NEB: variants seen among roughly 807,000 people sequenced by gnomAD.
NEB encodes nemaline myopathy type 2.
NEB carries 512 observed loss-of-function variants against 952.2 expected under a neutral mutation model. The ratio of observed to expected loss-of-function variants is 0.54; its 90% confidence interval spans 0.50 to 0.58. The LOEUF is 0.58. Among genes scored for constraint, NEB ranks in the 20% least tolerant of loss-of-function variants. The pLI, the probability that NEB is intolerant of heterozygous loss-of-function variation, is 0.00. For missense variants in NEB, 8,428 were observed against 9,231.1 expected (o/e 0.91, Z 3.56); for synonymous variants, 2,900 against 3,149.8 (o/e 0.92, Z 2.66).
chr2:151,711,844 C>T (rs1212870125), intron 10 of NEB, among the ~76,000 whole-genome samples: 1 of 152,014 alleles, frequency 6.6e-6, no homozygotes, highest in Non-Finnish European at 1.5e-5. Flanking sequence ...CAGAAAGAAA[C>T]TCTGTAAGAA....
At chr2:151,724,147 AT>A in intron 8 of NEB, 112 bp downstream of exon 8, 1 of 849,960 alleles carries the variant, frequency 1.2e-6, no homozygotes, top group Non-Finnish European at 1.9e-6. Context: ...AAGGCTACTC[AT>A]AAAAAGATTG....
intron 54 of NEB, among the ~76,000 whole-genome samples, chr2:151,649,255 G>A (rs2099001672): frequency 6.6e-6 from 1 of 152,030 alleles, no homozygotes; most frequent in Admixed American, 6.6e-5. Flanking sequence ...TATACATTCT[G>A]GAAATCAGCA....
chr2:151,526,480 TTA>T (rs1174119227), intron 148 of NEB, among the ~76,000 whole-genome samples: 1 of 152,188 alleles, frequency 6.6e-6, no homozygotes, highest in Non-Finnish European at 1.5e-5. Flanking sequence ...TGATGAATCT[TTA>T]TATAGTCACA....
At chr2:151,708,850 C>G (rs985475082) in intron 12 of NEB, among the ~76,000 whole-genome samples, 5 of 152,216 alleles carry the variant, frequency 3.3e-5, no homozygotes, top group African/African-American at 7.2e-5. Context: ...GACCAAAACC[C>G]GTGTCATCCA....
At chr2:151,548,483 T>C in intron 130 of NEB, 68 bp from the exon 131 acceptor site, 4 of 1,092,200 alleles carry the variant, frequency 3.7e-6, no homozygotes, top group South Asian at 2.6e-5. Flanking sequence ...TTTCTCCAAA[T>C]AGAAAAGAGA....
At chr2:151,553,788 G>A (rs1559855407) in intron 126 of NEB, 40 bp downstream of exon 126, 2 of 1,554,054 alleles carry the variant, frequency 1.3e-6, no homozygotes, top group South Asian at 1.2e-5. Context: ...GGGCCGTGGG[G>A]CGGGGCCGTG....
intron 60 of NEB, among the ~76,000 whole-genome samples, chr2:151,641,727 T>C (rs1451367597): frequency 1.3e-5 from 2 of 152,154 alleles, no homozygotes; most frequent in African/African-American, 2.4e-5. Flanking sequence ...TTACTTCCCA[T>C]ATTTTGGAAA....
chr2:151,694,777 T>C, intron 18 of NEB, 148 bp from the exon 19 acceptor site: 2 of 687,836 alleles, frequency 2.9e-6, no homozygotes, highest in Non-Finnish European at 4.8e-6. Context: ...TTTTAAATAT[T>C]TCTTCTCAAG....
chr2:151,493,980 CCT>C lies in NEB; in HGVS notation c.24580-115_24580-114del, dbSNP rs2058475215. The C allele has an allele frequency of 5.5e-6, 5 of 900,972 alleles. No individual in the cohort carries two copies. The Admixed American group carries it at 1.3e-4, about 24-fold the overall frequency. 55.8% of individuals were successfully genotyped at this position (900,972 alleles called of 1,614,324 possible). A position where few individuals can be genotyped will look rare whatever the true frequency, so the allele number is the denominator to read the frequency against. ...TAATCTATTACTATTAGTGAGAACA[CCT>C]CTCAAGAAGAAAGCTTAAAAATAGT... On this transcript the variant is annotated intron_variant, in intron 174 of 181. Coordinates refer to ENST00000397345, the MANE Select transcript of NEB (RefSeq NM_001164508.2).
At chr2:151,632,140 T>C (rs2098680482) in intron 65 of NEB, among the ~76,000 whole-genome samples, 1 of 152,190 alleles carries the variant, frequency 6.6e-6, no homozygotes, top group South Asian at 2.1e-4. Flanking sequence ...CATATTGCCA[T>C]ATTTTTCTCA....
intron 168 of NEB, among the ~76,000 whole-genome samples, chr2:151,500,244 A>C (rs577564071): frequency 1.3e-5 from 2 of 152,296 alleles, no homozygotes; most frequent in Non-Finnish European, 2.9e-5. Context: ...TTACTGATCT[A>C]ATTATGTCAA....
In NEB at chr2:151,627,062, G is replaced by A. The variant is rs1285505941; in HGVS notation, c.10287C>T (p.Thr3429=). 1 of 1,613,874 alleles carries A rather than the reference G, an allele frequency of 6.2e-7. No homozygotes were observed. Among genetic ancestry groups the A allele is most frequent in the African/African-American group, 1.3e-5 (1 of 75,002 alleles). The change falls in exon 70 of 182, where the codon ACC becomes ACT. Residue 3429 remains threonine (T), a synonymous_variant. Transcript: ENST00000397345. ...YRQPPDKLKF[T]SVTDSLEQVL... is the part of the protein sequence containing the mutation. ...CCTGCTCTAGAGAGTCAGTCACACT[G>A]GTAAATTTCAGCTTGTCCGGAGGCT...
chr2:151,716,589 C>G (rs2099759968), intron 10 of NEB, among the ~76,000 whole-genome samples: 1 of 152,078 alleles, frequency 6.6e-6, no homozygotes, highest in Non-Finnish European at 1.5e-5. Context: ...CATAGTTACA[C>G]AGTTAGGTAA....
intron 63 of NEB, among the ~76,000 whole-genome samples, chr2:151,638,768 G>A (rs2098807235): frequency 6.6e-6 from 1 of 151,086 alleles, no homozygotes; most frequent in Admixed American, 6.6e-5. Context: ...AAAGGAAATG[G>A]GCTTGCTAAT....
At position 151,687,523 on chromosome 2, in the gene NEB, T is replaced by C. The variant is rs772154599; in HGVS notation, c.2533A>G (p.Lys845Glu). The stretch of plus-strand genomic sequence containing the variant: ...CCTTTGCTCTTTTCATAGTCTTTCT[T>C]GTACATCACCTGCAAAGACATCACA... ...NTKNTSDVMY[K>E]KDYEKSKGKM... Residue 845 changes from lysine to glutamate, a missense_variant, in exon 27 of 182, where the codon AAG (lysine) becomes GAG (glutamate). This residue lies in a region of NEB where 2,851 missense variants were observed against 2,791.5 expected (regional missense o/e 1.02). Transcript: ENST00000397345. 6.2e-6 allele frequency: 10 copies of C among 1,613,592 alleles called. No individual in the cohort carries two copies. Among genetic ancestry groups the C allele is most frequent in the Non-Finnish European group, 7.6e-6 (9 of 1,179,622 alleles).
rs757789934 is a variant in NEB at position 151,697,327 on chromosome 2, C to A, written c.1365+23G>T. On this transcript the variant is annotated intron_variant, in intron 15 of 181. Coordinates refer to ENST00000397345, the MANE Select transcript of NEB (RefSeq NM_001164508.2). ...CTGAGAAAAATGTTATTTGGAAAGT[C>A]AAACAATTGTCTTAGAACTTACATC... is the stretch of plus-strand genomic sequence containing the variant. 2.5e-6 allele frequency: 4 copies of A among 1,611,554 alleles called. No homozygotes were observed. In the South Asian group the frequency reaches 3.3e-5, roughly 13 times the overall value.
At position 151,538,228 on chromosome 2, in the gene NEB, G is replaced by A. The variant is rs765400537; in HGVS notation, c.20909C>T (p.Thr6970Ile). 1 of 1,611,920 alleles carries A rather than the reference G, an allele frequency of 6.2e-7. No homozygotes were observed. Among genetic ancestry groups the A allele is most frequent in the South Asian group, 1.1e-5 (1 of 91,004 alleles). ...WNASDLRYKE[T>I]FQKTKGKYHT... ...GTATTTCCCTTTGGTCTTTTGAAAT[G>A]TTTCTTTGTAGCGTAGCTAGAAAGA... The change falls in exon 139 of 182, where the codon ACA (threonine) becomes ATA (isoleucine). Residue 6970 changes from threonine (T) to isoleucine (I), a missense_variant. By Grantham distance (89) the Thr-to-Ile change is moderately conservative. Transcript: ENST00000397345.
chr2:151,536,982 A>G, intron 141 of NEB, 150 bp downstream of exon 141: 1 of 447,146 alleles, frequency 2.2e-6, no homozygotes, highest in East Asian at 3.3e-5. Context: ...AGAGTTTCCT[A>G]GCAGTGAACA....
At chr2:151,611,991 T>C (rs1278085672) in intron 78 of NEB, among the ~76,000 whole-genome samples, 195 bp downstream of exon 78, 1 of 152,156 alleles carries the variant, frequency 6.6e-6, no homozygotes, top group Admixed American at 6.5e-5. Context: ...TGTTCCCACA[T>C]GCACACAGAG....
Sources: allele counts gnomAD v4.1 joint callset (sites outside exome capture counted in the v4.1 genomes callset), GRCh38; gene constraint gnomAD v4.1.1; regional missense constraint gnomAD v4.1.1; transcripts MANE v1.5; gene names NCBI Gene and HGNC (gene_info 2026-07-23, HGNC 2026-07-21).